Variants in HYDIN observed in about 807,000 individuals in gnomAD.
HYDIN encodes axonemal central pair apparatus protein HYDIN.
HYDIN carries 132 observed loss-of-function variants against 403.9 expected under a neutral mutation model. The ratio of observed to expected loss-of-function variants is 0.33; its 90% CI spans 0.28 to 0.38. The LOEUF (loss-of-function observed/expected upper bound fraction) is 0.38, where lower values mean the gene tolerates loss of function less well. Ranked by LOEUF, HYDIN falls within the 10% of genes least tolerant of loss-of-function variation. HYDIN has a pLI of 1.00. For synonymous variants in HYDIN, 1,202 were observed against 1,891.7 expected (o/e 0.64, Z 9.46); for missense variants, 2,827 against 5,009.5 (o/e 0.56, Z 13.15).
At chr16:70,905,471 A>T (rs2076508377) in intron 50 of HYDIN, among the ~76,000 whole-genome samples, 1 of 151,202 alleles carries the variant, frequency 6.6e-6, no homozygotes, top group South Asian at 2.1e-4. Flanking sequence ...GTGAAACCCC[A>T]TCTCTACAAA....
chr16:71,089,631 G>A (rs1224588682), intron 11 of HYDIN, among the ~76,000 whole-genome samples: 8 of 152,160 alleles, frequency 5.3e-5, no homozygotes, highest in Non-Finnish European at 1.0e-4. Flanking sequence ...ATTATTTTTA[G>A]TTAGAGATTA....
At chr16:70,835,584 A>G in intron 78 of HYDIN, 92 bp downstream of exon 78, 1 of 626,448 alleles carries the variant, frequency 1.6e-6, no homozygotes, top group South Asian at 2.0e-5. Flanking sequence ...TTACAGATGC[A>G]CAAGAAATGT....
chr16:71,098,092 C>CT lies in HYDIN; in HGVS notation c.1328-4158dup, dbSNP rs1324863646. Among the ~76,000 whole-genome samples, 19 of 152,040 alleles carry CT rather than the reference C, an allele frequency of 1.2e-4. No homozygotes were observed. The East Asian group carries it at 3.1e-3, about 25-fold the overall frequency. On this transcript the variant is annotated intron_variant, in intron 10 of 85. Transcript: ENST00000393567. The stretch of plus-strand genomic sequence containing the variant: ...GAAGCAAAGGCCATACTTAGGATGA[C>CT]TGATTTATTCAAAGGGTTCCCCTGC...
chr16:71,006,556 C>A (rs1302573548), intron 23 of HYDIN, among the ~76,000 whole-genome samples: 1 of 152,142 alleles, frequency 6.6e-6, no homozygotes, highest in East Asian at 1.9e-4. Flanking sequence ...TCAGGAACCA[C>A]TGGCTATCAC....
intron 62 of HYDIN, among the ~76,000 whole-genome samples, chr16:70,877,461 A>G (rs2040515300): frequency 6.6e-6 from 1 of 152,248 alleles, no homozygotes; most frequent in Admixed American, 6.5e-5. Flanking sequence ...GAATGCCTTA[A>G]AGTAGCAGTC....
intron 38 of HYDIN, among the ~76,000 whole-genome samples, chr16:70,961,554 C>T (rs1441692131): frequency 6.6e-6 from 1 of 152,116 alleles, no homozygotes; most frequent in Non-Finnish European, 1.5e-5. Flanking sequence ...AAATAAATGC[C>T]AGAAAATGGG....
chr16:71,159,822 A>G (rs1031450089), intron 6 of HYDIN, among the ~76,000 whole-genome samples: 17 of 152,188 alleles, frequency 1.1e-4, no homozygotes, highest in African/African-American at 4.1e-4. Flanking sequence ...ATGGTGAAAA[A>G]AAATATCTTC....
intron 23 of HYDIN, 65 bp from the exon 24 acceptor site, chr16:70,992,275 C>G: frequency 1.3e-6 from 2 of 1,504,528 alleles, no homozygotes; most frequent in Non-Finnish European, 1.8e-6. Flanking sequence ...AATCAGTGTT[C>G]AGTGGGCTCT....
At chr16:71,196,481 A>G (rs2087703144) in intron 1 of HYDIN, among the ~76,000 whole-genome samples, 1 of 152,176 alleles carries the variant, frequency 6.6e-6, no homozygotes, top group Non-Finnish European at 1.5e-5. Flanking sequence ...ACTGGAATCT[A>G]CACCATTGGC....
chr16:70,888,720 C>A (rs958853568), intron 58 of HYDIN, among the ~76,000 whole-genome samples: 4 of 152,116 alleles, frequency 2.6e-5, no homozygotes, highest in South Asian at 4.1e-4. Flanking sequence ...GCTTGGTATT[C>A]GACCTTCTCC....
intron 10 of HYDIN, among the ~76,000 whole-genome samples, chr16:71,097,596 T>C (rs2144395541): frequency 6.8e-6 from 1 of 147,264 alleles, no homozygotes; most frequent in South Asian, 2.2e-4. Flanking sequence ...ATAGCCATAC[T>C]GCTCTCAAGA....
At chr16:71,158,382 A>C (rs1298702743) in intron 6 of HYDIN, among the ~76,000 whole-genome samples, 1 of 152,192 alleles carries the variant, frequency 6.6e-6, no homozygotes, top group East Asian at 1.9e-4. Context: ...CATAATTCAT[A>C]TTCATAGGTA....
At chr16:71,163,119 CTTTTTTTT>C (rs71272746) in intron 5 of HYDIN, among the ~76,000 whole-genome samples, 5 of 120,758 alleles carry the variant, frequency 4.1e-5, no homozygotes, top group East Asian at 2.5e-4. Context: ...AATGATGTTT[CTTTTTTTT>C]TTTTTTTTTT....
intron 18 of HYDIN, among the ~76,000 whole-genome samples, chr16:71,038,151 G>C (rs545447532): frequency 8.5e-5 from 13 of 152,394 alleles, no homozygotes; most frequent in African/African-American, 3.1e-4. Flanking sequence ...GAATATGACT[G>C]TGCGAAAGAT....
chr16:71,053,651 T>A (rs1406284079), intron 18 of HYDIN, among the ~76,000 whole-genome samples: 1 of 144,734 alleles, frequency 6.9e-6, no homozygotes, highest in African/African-American at 2.5e-5. Flanking sequence ...ATATATATAT[T>A]ATGTAATAAA....
intron 45 of HYDIN, among the ~76,000 whole-genome samples, chr16:70,932,876 C>T (rs867718879): frequency 6.6e-6 from 1 of 151,984 alleles, no homozygotes; most frequent in Admixed American, 6.6e-5. Flanking sequence ...GTAAAATACA[C>T]ACCTTTCAAC....
At chr16:71,062,071 G>C in intron 17 of HYDIN, 98 bp downstream of exon 17, 2 of 1,005,844 alleles carry the variant, frequency 2.0e-6, no homozygotes, top group Non-Finnish European at 3.0e-6. Context: ...AGCAACTGGG[G>C]TGTATGTGAA....
intron 81 of HYDIN, among the ~76,000 whole-genome samples, chr16:70,829,031 A>C (rs1275249329): frequency 9.4e-6 from 1 of 106,896 alleles, no homozygotes. Flanking sequence ...GTGAAACATT[A>C]ATTACTTGAT....
At chr16:71,223,403 G>A (rs2040887189) in intron 1 of HYDIN, among the ~76,000 whole-genome samples, 1 of 152,084 alleles carries the variant, frequency 6.6e-6, no homozygotes. Context: ...CTCTTCTTCT[G>A]GCATTGGCTT....
Sources: gnomAD v4.1 joint callset for allele counts (sites outside exome capture counted in the v4.1 genomes callset) on GRCh38, gnomAD v4.1.1 for gene constraint, MANE v1.5 for transcripts, NCBI Gene and HGNC (gene_info 2026-07-23, HGNC 2026-07-21) for gene names.